DSCAML1: variants seen among roughly 807,000 people sequenced by gnomAD.
The protein encoded by DSCAML1 is DS cell adhesion molecule like 1.
A neutral mutation model predicts 200.5 loss-of-function variants in DSCAML1; 38 were observed. That is an observed-to-expected ratio of 0.19 (90% confidence interval 0.15 to 0.25). The LOEUF is 0.25. Ranked by LOEUF, DSCAML1 falls within the 10% of genes least tolerant of loss-of-function variation. DSCAML1 has a pLI of 1.00. For synonymous variants in DSCAML1, 1,215 were observed against 1,165.0 expected (o/e 1.04, Z -0.87); for missense variants, 2,223 against 2,858.8 (o/e 0.78, Z 5.07).
At chr11:117,718,692 A>G (rs2053998754) in intron 3 of DSCAML1, among the ~76,000 whole-genome samples, 1 of 77,364 alleles carries the variant, frequency 1.3e-5, no homozygotes, top group Admixed American at 2.0e-4. Flanking sequence ...CCATCATATG[A>G]GACCTTTAAA....
chr11:117,759,764 A>C (rs1457092532), intron 3 of DSCAML1, among the ~76,000 whole-genome samples: 1 of 152,066 alleles, frequency 6.6e-6, no homozygotes, highest in Non-Finnish European at 1.5e-5. Flanking sequence ...CAGCCCCATA[A>C]ATACTCCCAG....
At chr11:117,601,671 C>G (rs1033519660) in intron 3 of DSCAML1, among the ~76,000 whole-genome samples, 1 of 152,168 alleles carries the variant, frequency 6.6e-6, no homozygotes, top group Admixed American at 6.5e-5. Flanking sequence ...ATTTCTGCAG[C>G]CTTTTCTGAG....
chr11:117,527,724 G>T (rs1276657105), intron 4 of DSCAML1, among the ~76,000 whole-genome samples: 2 of 152,198 alleles, frequency 1.3e-5, no homozygotes, highest in East Asian at 1.9e-4. Context: ...ATTTTGCTTA[G>T]GAGTGGATAG....
intron 21 of DSCAML1, among the ~76,000 whole-genome samples, chr11:117,440,836 G>A (rs757696443): frequency 2.0e-5 from 3 of 146,832 alleles, no homozygotes; most frequent in South Asian, 2.2e-4. Flanking sequence ...CGAGAGAATC[G>A]CTTGAACCTG....
intron 3 of DSCAML1, among the ~76,000 whole-genome samples, chr11:117,741,728 C>A (rs1403646484): frequency 2.6e-5 from 4 of 152,220 alleles, no homozygotes. Flanking sequence ...CAGCTTCCCT[C>A]CCCATGAAGC....
intron 3 of DSCAML1, among the ~76,000 whole-genome samples, chr11:117,643,692 G>T (rs959527725): frequency 2.6e-5 from 4 of 152,016 alleles, no homozygotes; most frequent in African/African-American, 7.2e-5. Context: ...GGGGAGGAGT[G>T]GGGGGTGCCC....
intron 3 of DSCAML1, among the ~76,000 whole-genome samples, chr11:117,651,696 A>G (rs2052634775): frequency 7.4e-6 from 1 of 135,720 alleles, no homozygotes; most frequent in Admixed American, 7.8e-5. Flanking sequence ...TGGGCGACAG[A>G]GCAAGACTCT....
intron 1 of DSCAML1, among the ~76,000 whole-genome samples, chr11:117,792,766 C>T (rs2055495121): frequency 6.6e-6 from 1 of 152,162 alleles, no homozygotes; most frequent in African/African-American, 2.4e-5. Flanking sequence ...GCTAGTTTGC[C>T]CCTCTCTTCA....
intron 3 of DSCAML1, among the ~76,000 whole-genome samples, chr11:117,713,186 T>C (rs563923394): frequency 6.6e-6 from 1 of 152,234 alleles, no homozygotes; most frequent in South Asian, 2.1e-4. Context: ...GACCTCCACC[T>C]TCTGGGTTCA....
chr11:117,575,380 CA>C (rs1341172056), intron 3 of DSCAML1, among the ~76,000 whole-genome samples: 1 of 152,200 alleles, frequency 6.6e-6, no homozygotes, highest in African/African-American at 2.4e-5. Flanking sequence ...GAAAGGCTTA[CA>C]GGGGACCTGA....
chr11:117,656,131 G>A lies in DSCAML1; in HGVS notation c.511+120660C>T, dbSNP rs140699690. Among the ~76,000 whole-genome samples the A allele has an allele frequency of 7.0e-4, 106 of 152,324 alleles. 2 individuals are homozygous for A. The highest frequency in any genetic ancestry group is 6.8e-3 in the Middle Eastern group (2 of 294). ...CGTACGCCTGTAATCTCAGCCACTC[G>A]GGAAGCTGAGGCAGGAGAATTACTT... On this transcript the variant is annotated intron_variant, in intron 3 of 32. Coordinates refer to ENST00000651296, the MANE Select transcript of DSCAML1 (RefSeq NM_020693.4).
At chr11:117,567,654 T>C (rs1451673021) in intron 3 of DSCAML1, among the ~76,000 whole-genome samples, 1 of 152,104 alleles carries the variant, frequency 6.6e-6, no homozygotes, top group Non-Finnish European at 1.5e-5. Flanking sequence ...ACACATACAC[T>C]CTCCCAAGAC....
chr11:117,786,635 T>A (rs1219211454), intron 1 of DSCAML1, among the ~76,000 whole-genome samples: 1 of 152,196 alleles, frequency 6.6e-6, no homozygotes, highest in Non-Finnish European at 1.5e-5. Flanking sequence ...GCTGGCTGAC[T>A]GAGGTTGCTC....
intron 3 of DSCAML1, among the ~76,000 whole-genome samples, chr11:117,628,029 G>T (rs930684911): frequency 5.9e-5 from 9 of 152,034 alleles, no homozygotes; most frequent in African/African-American, 2.2e-4. Flanking sequence ...TGTTTTAAAG[G>T]GTTTATGTTG....
intron 3 of DSCAML1, among the ~76,000 whole-genome samples, chr11:117,636,310 A>G (rs2052281928): frequency 6.6e-6 from 1 of 152,222 alleles, no homozygotes; most frequent in Non-Finnish European, 1.5e-5. Context: ...TGGAGCGGCA[A>G]GTTTCATTAT....
intron 3 of DSCAML1, among the ~76,000 whole-genome samples, chr11:117,764,013 CA>C (rs1211701382): frequency 1.3e-5 from 2 of 152,210 alleles, no homozygotes; most frequent in Non-Finnish European, 2.9e-5. Flanking sequence ...ACCCTCATCA[CA>C]CTCTTGTGTG....
chr11:117,558,452 A>G (rs912471513), intron 3 of DSCAML1, among the ~76,000 whole-genome samples: 1 of 152,210 alleles, frequency 6.6e-6, no homozygotes, highest in Non-Finnish European at 1.5e-5. Flanking sequence ...GAGCCACGAG[A>G]TGTTCAGTTA....
intron 16 of DSCAML1, among the ~76,000 whole-genome samples, 180 bp from the exon 17 acceptor site, chr11:117,465,362 A>G (rs891522076): frequency 2.0e-5 from 3 of 151,956 alleles, no homozygotes; most frequent in Non-Finnish European, 4.4e-5. Context: ...CCGACCTCCC[A>G]TTACCTCTCA....
intron 3 of DSCAML1, among the ~76,000 whole-genome samples, chr11:117,678,388 C>G (rs74366103): frequency 0.012 from 1,846 of 152,354 alleles, 45 homozygotes; most frequent in African/African-American, 0.042. Context: ...TGTGCAGAAA[C>G]TGTTTTAGGA....
Sources: gnomAD v4.1 joint callset for allele counts (sites outside exome capture counted in the v4.1 genomes callset) on GRCh38, gnomAD v4.1.1 for gene constraint, MANE v1.5 for transcripts, NCBI Gene and HGNC (gene_info 2026-07-23, HGNC 2026-07-21) for gene names.